Variants in CDYL observed in about 807,000 individuals in gnomAD.
The protein encoded by CDYL is chromodomain Y like, also known as chromodomain Y-like protein.
Under a neutral mutation model 47.3 loss-of-function variants are expected in CDYL, and 8 were observed. The observed-to-expected ratio is 0.17, with a 90% CI of 0.10 to 0.31. The LOEUF (loss-of-function observed/expected upper bound fraction) is 0.31. Ranked by LOEUF, CDYL falls within the 10% of genes least tolerant of loss-of-function variation. The pLI, the probability that CDYL is intolerant of heterozygous loss-of-function variation, is 1.00. For missense variants in CDYL, 471 were observed against 701.4 expected, an observed-to-expected ratio of 0.67 and a Z score of 3.71; for synonymous variants, 266 against 265.0, an observed-to-expected ratio of 1.00 and a Z score of -0.04.
intron 1 of CDYL, among the ~76,000 whole-genome samples, chr6:4,806,454 T>G (rs1043784144): frequency 6.6e-6 from 1 of 152,208 alleles, no homozygotes; most frequent in Non-Finnish European, 1.5e-5. Context: ...TGCAGTAGTT[T>G]TAGAGTTTCG....
At chr6:4,813,621 A>G (rs1759587560) in intron 1 of CDYL, among the ~76,000 whole-genome samples, 1 of 152,186 alleles carries the variant, frequency 6.6e-6, no homozygotes, top group East Asian at 1.9e-4. Context: ...CCATTTGTGC[A>G]TGTGTGTGTA....
At chr6:4,786,394 G>C (rs879232906) in intron 1 of CDYL, among the ~76,000 whole-genome samples, 1 of 151,176 alleles carries the variant, frequency 6.6e-6, no homozygotes, top group Admixed American at 6.6e-5. Flanking sequence ...CTTGCTGTGT[G>C]TGTGTACTCT....
At chr6:4,876,652 A>G (rs1248836958) in intron 1 of CDYL, among the ~76,000 whole-genome samples, 1 of 152,010 alleles carries the variant, frequency 6.6e-6, no homozygotes, top group Non-Finnish European at 1.5e-5. Context: ...ACACATTCAT[A>G]TACTTTAGGG....
At chr6:4,947,148 G>A (rs914903284) in intron 5 of CDYL, among the ~76,000 whole-genome samples, 10 of 152,208 alleles carry the variant, frequency 6.6e-5, no homozygotes, top group African/African-American at 2.4e-4. Context: ...CAGGGAAGAG[G>A]CGAGTTACAG....
intron 1 of CDYL, among the ~76,000 whole-genome samples, chr6:4,844,247 A>AT (rs1223211167): frequency 6.6e-6 from 1 of 152,078 alleles, no homozygotes; most frequent in Non-Finnish European, 1.5e-5. Flanking sequence ...GGTTTTGTTC[A>AT]TTGTTACTAG....
chr6:4,766,127 A>G (rs940472984), intron 3 of CDYL, among the ~76,000 whole-genome samples: 1 of 152,234 alleles, frequency 6.6e-6, no homozygotes. Flanking sequence ...GAACAATTTT[A>G]TGTTATTAAC....
intron 1 of CDYL, among the ~76,000 whole-genome samples, chr6:4,782,826 G>A (rs1581163736): frequency 6.6e-6 from 1 of 152,146 alleles, no homozygotes; most frequent in East Asian, 1.9e-4. Flanking sequence ...CATTATTTTT[G>A]TTGAACTGTC....
chr6:4,831,753 A>T (rs1365855247), intron 1 of CDYL, among the ~76,000 whole-genome samples: 1 of 152,148 alleles, frequency 6.6e-6, no homozygotes. Context: ...AATTTCATTG[A>T]GCAGTGGTTT....
intron 2 of CDYL, among the ~76,000 whole-genome samples, chr6:4,917,666 G>T (rs1302683016): frequency 1.3e-5 from 2 of 152,182 alleles, no homozygotes; most frequent in African/African-American, 4.8e-5. Flanking sequence ...CTGAGAAATT[G>T]ATAGAAATGG....
intron 1 of CDYL, among the ~76,000 whole-genome samples, chr6:4,785,760 T>C (rs1161634923): frequency 6.6e-6 from 1 of 152,258 alleles, no homozygotes; most frequent in African/African-American, 2.4e-5. Flanking sequence ...TTAGGCATTA[T>C]GTACTTGGAC....
chr6:4,947,971 AT>A (rs1282623820), intron 5 of CDYL, among the ~76,000 whole-genome samples: 2 of 152,162 alleles, frequency 1.3e-5, no homozygotes, highest in Admixed American at 6.5e-5. Context: ...TGGGTGGCTT[AT>A]CCAAGTCATT....
At chr6:4,938,987 G>A (rs900855895) in intron 4 of CDYL, among the ~76,000 whole-genome samples, 4 of 152,182 alleles carry the variant, frequency 2.6e-5, no homozygotes, top group Non-Finnish European at 5.9e-5. Flanking sequence ...CAACATGAAA[G>A]TTGGCTATGC....
intron 2 of CDYL, among the ~76,000 whole-genome samples, chr6:4,905,213 T>A (rs945143789): frequency 1.3e-5 from 2 of 152,164 alleles, no homozygotes; most frequent in Non-Finnish European, 2.9e-5. Context: ...TGCGCATGGC[T>A]TGCTGTTCTC....
intron 2 of CDYL, among the ~76,000 whole-genome samples, chr6:4,716,065 G>A (rs1043290877): frequency 7.3e-5 from 11 of 151,322 alleles, no homozygotes; most frequent in Admixed American, 4.0e-4. Flanking sequence ...TGGTTAACAC[G>A]GTGAAACCCC....
At chr6:4,814,109 T>C (rs771591457) in intron 1 of CDYL, among the ~76,000 whole-genome samples, 3 of 152,202 alleles carry the variant, frequency 2.0e-5, no homozygotes, top group Non-Finnish European at 4.4e-5. Flanking sequence ...AACAATGAAC[T>C]TTTGGTGCAT....
chr6:4,717,742 T>TAAAAAAAAAAAAA (rs1434471633), intron 2 of CDYL, among the ~76,000 whole-genome samples: 4 of 115,978 alleles, frequency 3.4e-5, no homozygotes, highest in African/African-American at 1.3e-4. Context: ...AAAAAAAAAT[T>TAAAAAAAAAAAAA]AAAAATTGAA....
At chr6:4,736,206 A>G (rs184551285) in intron 3 of CDYL, among the ~76,000 whole-genome samples, 1 of 152,344 alleles carries the variant, frequency 6.6e-6, no homozygotes, top group Non-Finnish European at 1.5e-5. Flanking sequence ...TTATTAAAAC[A>G]TAGTATAACA....
chr6:4,860,691 C>G (rs1761143488), intron 1 of CDYL, among the ~76,000 whole-genome samples: 1 of 150,168 alleles, frequency 6.7e-6, no homozygotes, highest in African/African-American at 2.4e-5. Context: ...CTTACACAAT[C>G]ACAAGGTCCC....
At chr6:4,710,381 G>GAAGC (rs1392236857) in intron 1 of CDYL, among the ~76,000 whole-genome samples, 2 of 145,884 alleles carry the variant, frequency 1.4e-5, no homozygotes, top group African/African-American at 5.2e-5. Context: ...GGGAGGGAGG[G>GAAGC]AAGGAAGGAA....
Sources: gnomAD v4.1 joint callset for allele counts (sites outside exome capture counted in the v4.1 genomes callset) on GRCh38, gnomAD v4.1.1 for gene constraint, MANE v1.5 for transcripts, NCBI Gene and HGNC (gene_info 2026-07-23, HGNC 2026-07-21) for gene names.